The following SGCA variants were observed in gnomAD, a reference collection of about 807,000 sequenced individuals.
The protein encoded by SGCA is alpha-sarcoglycan.
In SGCA, 34 loss-of-function variants were observed where a neutral mutation model predicts 38.1. The observed-to-expected ratio is 0.89, with a 90% CI of 0.68 to 1.19. The LOEUF (loss-of-function observed/expected upper bound fraction) is 1.19. Among genes scored for constraint, SGCA ranks in the 50% most tolerant of loss-of-function variants. SGCA has a pLI of 0.00. For synonymous variants in SGCA, 209 were observed against 214.6 expected (o/e 0.97, Z 0.23); for missense variants, 476 against 524.9 (o/e 0.91, Z 0.91).
intron 8 of SGCA, chr17:50,171,777 G>A (rs1221181703): frequency 4.4e-6 from 2 of 456,744 alleles, no homozygotes. Flanking sequence ...TAGGCATTTC[G>A]GGCCATGTCG....
intron 8 of SGCA, chr17:50,171,443 T>TC (rs779572684): frequency 8.8e-6 from 4 of 452,710 alleles, no homozygotes; most frequent in South Asian, 6.2e-5. Flanking sequence ...TAAGTTATGT[T>TC]CCTTTTATTC....
Position 50,170,663 on chromosome 17 carries a change from C to CCG in SGCA, c.981_982dup (p.Asp328AlafsTer90), listed in dbSNP as rs796065318. On this transcript the variant is annotated frameshift_variant, in exon 8 of 10. Transcript: ENST00000262018. LOFTEE classifies it high-confidence loss of function. ...AGGCTGAAGAGAGACCTGGCTACCTCCGAGTGAGTAAAGGAAAGCTGGGGG... is the reference window on the plus strand; with the variant it reads ...AGGCTGAAGAGAGACCTGGCTACCTCCGCGAGTGAGTAAAGGAAAGCTGGGGG... 6.4e-7 allele frequency: 1 copy of CCG among 1,560,284 alleles called. No individual in the cohort carries two copies. The highest frequency in any genetic ancestry group is 1.4e-5 in the African/African-American group (1 of 73,724).
In SGCA at chr17:50,173,417, G is replaced by A. The variant is rs1004551964; in HGVS notation, c.984-1840G>A. On this transcript the variant is annotated intron_variant, in intron 8 of 9. Transcript: ENST00000262018. ...AGGCCACGTGTGTGTGTGTCTGTGC[G>A]TGTGCCTGAGTGTGTAGGAATGCCT... Among the ~76,000 whole-genome samples, 11 of 133,082 alleles carry A rather than the reference G, an allele frequency of 8.3e-5. No homozygotes were observed. In the South Asian group the frequency reaches 8.6e-4, roughly 10 times the overall value. The allele number at this position is 133,082 out of a possible 152,430, so 87.3% of individuals were successfully genotyped here. A position where few individuals can be genotyped will look rare whatever the true frequency, so the allele number is the denominator to read the frequency against.
rs1411134221 is a variant in SGCA, at chr17:50,168,444, A to G, written c.456A>G (p.Thr152=). The change falls in exon 5 of 10, where the codon ACA becomes ACG. Residue 152 remains threonine, a synonymous_variant. Coordinates refer to ENST00000262018, the MANE Select transcript of SGCA (RefSeq NM_000023.4). The part of the protein sequence containing the change: ...SHDAEEVLPS[T]PASRFLSALG... ...ATGCGGAGGAGGTGCTGCCCTCAAC[A>G]CCTGCCAGCCGCTTCCTCTCAGCCT... 6.3e-7 allele frequency: 1 copy of G among 1,587,066 alleles called. No homozygotes were observed. The highest frequency in any genetic ancestry group is 1.8e-5 in the Admixed American group (1 of 55,778).
Position 50,170,140 on chromosome 17 carries a change from C to T in SGCA, c.748-3C>T, listed in dbSNP as rs794727834. ...CTGCGTCAGCCCTGAGCTCTCTGTG[C>T]AGGTGGATAAGTCAGTGCCGGAGCC... is the stretch of plus-strand genomic sequence containing the variant. On this transcript the variant is annotated splice_polypyrimidine_tract_variant and splice_region_variant and intron_variant, in intron 6 of 9. Coordinates refer to ENST00000262018, the MANE Select transcript of SGCA (RefSeq NM_000023.4). 1.4e-5 allele frequency: 23 copies of T among 1,613,536 alleles called. No individual in the cohort carries two copies. The highest frequency in any genetic ancestry group is 1.9e-5 in the Non-Finnish European group (23 of 1,179,620).
intron 8 of SGCA, chr17:50,171,971 C>T (rs1297069943): frequency 4.4e-6 from 2 of 456,644 alleles, no homozygotes; most frequent in South Asian, 1.5e-5. Context: ...CCACCCATGG[C>T]AGTATTTGAG....
At chr17:50,166,765 ACACACCCTCACACACCCTCACACACCCT>A (rs1904864263) in intron 1 of SGCA, among the ~76,000 whole-genome samples, 1 of 76,586 alleles carries the variant, frequency 1.3e-5, no homozygotes, top group Non-Finnish European at 2.4e-5. Flanking sequence ...ACCCTCACAC[ACACACCCTCACACACCCTCACACACCCT>A]CACACACACA....
chr17:50,167,569 T>C lies in SGCA; in HGVS notation c.158-13T>C. ...CTGCTGTGACTCGAATCCCCTCTCC[T>C]CGCTTCCACCAGCTGTCCCACCCGC... On this transcript the variant is annotated splice_polypyrimidine_tract_variant and intron_variant, in intron 2 of 9. Coordinates refer to ENST00000262018, the MANE Select transcript of SGCA (RefSeq NM_000023.4). This position sits in a 1 kb window ranked among gnomAD's most constrained non-coding sequence, Gnocchi z 4.5. The C allele has an allele frequency of 6.2e-7, 1 of 1,613,524 alleles. No homozygotes were observed. The highest frequency in any genetic ancestry group is 1.1e-5 in the South Asian group (1 of 91,084).
chr17:50,171,836 T>G, intron 8 of SGCA: 1 of 456,798 alleles, frequency 2.2e-6, no homozygotes, highest in East Asian at 6.9e-5. Flanking sequence ...GGACACATAC[T>G]TGCAGGTCCC....
chr17:50,166,655 CA>C (rs1462006997), intron 1 of SGCA, among the ~76,000 whole-genome samples: 29 of 151,568 alleles, frequency 1.9e-4, no homozygotes, highest in African/African-American at 6.5e-4. Flanking sequence ...TTCACACATA[CA>C]CACCCTCACA....
At position 50,175,413 on chromosome 17, in the gene SGCA, G is replaced by A; in HGVS notation, c.1140G>A (p.Val380=). ...CTCCCCGCGTGGACAGCGCCCAGGTGCCCCTCATTCTGGACCAGCACTGAC... is the reference window on the plus strand; with the variant it reads ...CTCCCCGCGTGGACAGCGCCCAGGTACCCCTCATTCTGGACCAGCACTGAC... The part of the protein sequence containing the change: ...RLPPRVDSAQ[V]PLILDQH Residue 380 remains valine, a synonymous_variant, in exon 9 of 10, where the codon GTG becomes GTA. Coordinates refer to ENST00000262018, the MANE Select transcript of SGCA (RefSeq NM_000023.4). 1 of 1,613,152 alleles carries A rather than the reference G, an allele frequency of 6.2e-7. No individual in the cohort carries two copies.
rs1330346027 is a variant in SGCA at position 50,175,462 on chromosome 17, G to A, written c.*12+13G>A. 2 of 1,604,444 alleles carry A rather than the reference G, an allele frequency of 1.2e-6. No homozygotes were observed. Among genetic ancestry groups the A allele is most frequent in the Non-Finnish European group, 1.7e-6 (2 of 1,173,258 alleles). On this transcript the variant is annotated intron_variant, in intron 9 of 9. Transcript: ENST00000262018. ...ACAGCCTAGCCAGGTAGGTCTGGTG[G>A]GTGATGCCAGCCTTATTTCTGGGAA... is the stretch of plus-strand genomic sequence containing the variant.
rs1188830695 is a variant in SGCA, at chr17:50,167,781, G to A, written c.312+45G>A. 6.3e-7 allele frequency: 1 copy of A among 1,596,898 alleles called. No homozygotes were observed. The highest frequency in any genetic ancestry group is 8.6e-7 in the Non-Finnish European group (1 of 1,168,108). ...GAAAATCACAGGGGTGGGCCAGAGT[G>A]GCCTCCTAGGAGCAGCCCTATGAAT... On this transcript the variant is annotated intron_variant, in intron 3 of 9. Transcript: ENST00000262018. This position sits in a 1 kb window ranked among gnomAD's most constrained non-coding sequence, Gnocchi z 4.5.
rs572881881 is a variant in SGCA, at chr17:50,168,991, G to A, written c.585-101G>A. On this transcript the variant is annotated intron_variant, in intron 5 of 9. Transcript: ENST00000262018. ...GGCGTCTCCCTCATCCCATCCCCAG[G>A]TCATAGCCTACAATTAGGAAAGTTT... 2.6e-5 allele frequency: 28 copies of A among 1,096,548 alleles called. 1 individual carries two copies. The highest frequency in any genetic ancestry group is 2.4e-4 in the South Asian group (19 of 80,254). The allele number at this position is 1,096,548 out of a possible 1,614,324, so 67.9% of individuals were successfully genotyped here.
chr17:50,175,232 G>A, intron 8 of SGCA, 25 bp from the exon 9 acceptor site: 1 of 1,583,062 alleles, frequency 6.3e-7, no homozygotes, highest in Non-Finnish European at 8.6e-7. Context: ...TCCCAGAGCT[G>A]ATGACTCCCC....
At position 50,175,269 on chromosome 17, in the gene SGCA, C is replaced by A. The variant is rs777162824; in HGVS notation, c.996C>A (p.Val332=). ...CCTGTGCCTCCAGCATCCAGATGGTCCACCACTGCACCATCCACGGGAACA... is the reference window on the plus strand; with the variant it reads ...CCTGTGCCTCCAGCATCCAGATGGTACACCACTGCACCATCCACGGGAACA... ...RDLATSDIQM[V]HHCTIHGNTE... The change falls in exon 9 of 10, where the codon GTC becomes GTA. Residue 332 remains valine, a synonymous_variant. Coordinates refer to ENST00000262018, the MANE Select transcript of SGCA (RefSeq NM_000023.4). 3.7e-6 allele frequency: 6 copies of A among 1,605,086 alleles called. No individual in the cohort carries two copies. Among genetic ancestry groups the A allele is most frequent in the Non-Finnish European group, 5.1e-6 (6 of 1,176,596 alleles).
intron 4 of SGCA, 24 bp downstream of exon 4, chr17:50,168,043 CTT>C: frequency 6.3e-7 from 1 of 1,597,634 alleles, no homozygotes; most frequent in Non-Finnish European, 8.6e-7. Flanking sequence ...TGCCCCATCC[CTT>C]CCCCACCAAT....
At position 50,167,346 on chromosome 17, in the gene SGCA, G is replaced by A. The variant is rs1904977484; in HGVS notation, c.38-22G>A. ...AGGACTGAGGCTGGCCTGTGTGTTTGGGACTTGTGGGGTCCCCACAGTTCT... is the reference window on the plus strand; with the variant it reads ...AGGACTGAGGCTGGCCTGTGTGTTTAGGACTTGTGGGGTCCCCACAGTTCT... On this transcript the variant is annotated intron_variant, in intron 1 of 9. Transcript: ENST00000262018. This position sits in a 1 kb window ranked among gnomAD's most constrained non-coding sequence, Gnocchi z 4.5. 16 of 1,614,004 alleles carry A rather than the reference G, an allele frequency of 9.9e-6. No individual in the cohort carries two copies. The highest frequency in any genetic ancestry group is 1.4e-5 in the Non-Finnish European group (16 of 1,179,998).
At position 50,167,279 on chromosome 17, in the gene SGCA, G is replaced by T; in HGVS notation, c.38-89G>T. 6.3e-7 allele frequency: 1 copy of T among 1,588,008 alleles called. No homozygotes were observed. Among genetic ancestry groups the T allele is most frequent in the Non-Finnish European group, 8.6e-7 (1 of 1,161,800 alleles). On this transcript the variant is annotated intron_variant, in intron 1 of 9. Coordinates refer to ENST00000262018, the MANE Select transcript of SGCA (RefSeq NM_000023.4). The surrounding 1 kb of genome is among the most constrained non-coding windows in gnomAD (Gnocchi z 4.5). ...GAAGCGCTTCTCTCGGTCCCTTAGGGGCTCCAAGGACTTGGTGGGGAAGGG... is the reference window on the plus strand; with the variant it reads ...GAAGCGCTTCTCTCGGTCCCTTAGGTGCTCCAAGGACTTGGTGGGGAAGGG...
Sources: gnomAD v4.1 joint callset for allele counts (sites outside exome capture counted in the v4.1 genomes callset) on GRCh38, gnomAD v4.1.1 for gene constraint, Gnocchi (gnomAD v3.1) non-coding constraint, MANE v1.5 for transcripts, NCBI Gene and HGNC (gene_info 2026-07-23, HGNC 2026-07-21) for gene names.